HNF4A: variants seen among roughly 807,000 people sequenced by gnomAD.
HNF4A encodes the protein hepatocyte nuclear factor 4-alpha.
Under a neutral mutation model 52.4 loss-of-function variants are expected in HNF4A, and 15 were observed. That is an observed-to-expected ratio of 0.29 (90% CI 0.19 to 0.44). The LOEUF (loss-of-function observed/expected upper bound fraction) is 0.44, where lower values mean the gene tolerates loss of function less well. Ranked by LOEUF, HNF4A falls within the 20% of genes least tolerant of loss-of-function variation. HNF4A has a pLI of 1.00. For missense variants in HNF4A, 479 were observed against 647.2 expected, an observed-to-expected ratio of 0.74 and a Z score of 2.82; for synonymous variants, 280 against 264.4, an observed-to-expected ratio of 1.06 and a Z score of -0.57.
upstream of HNF4A, among the ~76,000 whole-genome samples, chr20:44,397,149 AT>A (rs2063360707): frequency 2.0e-5 from 3 of 152,192 alleles, no homozygotes; most frequent in Admixed American, 1.3e-4. Context: ...GAAGCTTAAT[AT>A]TTTTTATAAG....
intron 1 of HNF4A, among the ~76,000 whole-genome samples, chr20:44,382,694 C>T (rs972615264): frequency 5.3e-5 from 8 of 152,186 alleles, no homozygotes; most frequent in African/African-American, 1.9e-4. Context: ...TACATTCTCT[C>T]TAATGATACA....
intron 1 of HNF4A, chr20:44,401,598 G>T (rs1353323345): frequency 7.2e-7 from 1 of 1,382,400 alleles, no homozygotes; most frequent in Non-Finnish European, 1.0e-6. Context: ...ATACAAAATG[G>T]TAGGTTGGTC....
In HNF4A at chr20:44,428,954, A is replaced by G. The variant is rs370675442; in HGVS notation, c.1282+467A>G. 1.1e-4 allele frequency among the ~76,000 whole-genome samples: 16 copies of G among 152,342 alleles called. No individual in the cohort carries two copies. The East Asian group carries it at 1.3e-3, about 13-fold the overall frequency. On this transcript the variant is annotated intron_variant, in intron 9 of 9. Coordinates refer to ENST00000316099, the MANE Select transcript of HNF4A (RefSeq NM_000457.6). Reference sequence around the variant, plus strand: ...TTCAAAGGATAAGATTATCAATGGGATGAAGTGATCCACTGAGATAAGATG... The same window carrying G: ...TTCAAAGGATAAGATTATCAATGGGGTGAAGTGATCCACTGAGATAAGATG...
intron 1 of HNF4A, among the ~76,000 whole-genome samples, chr20:44,359,535 G>A (rs2062895039): frequency 6.6e-6 from 1 of 152,156 alleles, no homozygotes; most frequent in African/African-American, 2.4e-5. Flanking sequence ...TTCTCTTGGG[G>A]TGTGGCACAC....
At chr20:44,372,956 C>T (rs555010983) in intron 1 of HNF4A, 20 of 152,304 alleles carry the variant, frequency 1.3e-4, no homozygotes, top group African/African-American at 4.6e-4. Flanking sequence ...GAGCTACATC[C>T]ACAGTATGAC....
At chr20:44,423,246 G>A (rs563721357) in intron 7 of HNF4A, among the ~76,000 whole-genome samples, 3 of 152,238 alleles carry the variant, frequency 2.0e-5, no homozygotes, top group Non-Finnish European at 4.4e-5. Context: ...AACCCAGGAG[G>A]CAGAGGTTGC....
intron 1 of HNF4A, among the ~76,000 whole-genome samples, chr20:44,356,804 T>A (rs1353006180): frequency 6.6e-6 from 1 of 152,192 alleles, no homozygotes; most frequent in Non-Finnish European, 1.5e-5. Flanking sequence ...TTGGATTTTT[T>A]AAAAGTTGGG....
At chr20:44,381,613 T>C (rs2063154936) in intron 1 of HNF4A, among the ~76,000 whole-genome samples, 1 of 151,806 alleles carries the variant, frequency 6.6e-6, no homozygotes, top group Non-Finnish European at 1.5e-5. Flanking sequence ...GGAAAGTACT[T>C]TGTTGCCTTT....
At chr20:44,388,450 C>CCCTGGGAA (rs1362611458) in intron 1 of HNF4A, among the ~76,000 whole-genome samples, 2 of 144,546 alleles carry the variant, frequency 1.4e-5, no homozygotes, top group Non-Finnish European at 3.0e-5. Flanking sequence ...GCGGCTGCTA[C>CCCTGGGAA]CCTGGGAACT....
intron 8 of HNF4A, 137 bp downstream of exon 8, chr20:44,424,391 C>T (rs1421271690): frequency 2.1e-6 from 3 of 1,412,938 alleles, no homozygotes; most frequent in African/African-American, 2.8e-5. Context: ...CTGTCTGTGC[C>T]TCAGTTTCCT....
At chr20:44,390,807 G>A (rs2063293711) in intron 1 of HNF4A, 2 of 622,688 alleles carry the variant, frequency 3.2e-6, no homozygotes, top group Non-Finnish European at 5.8e-6. Context: ...CCTAACCCAG[G>A]AACGTCCATG....
intron 1 of HNF4A, among the ~76,000 whole-genome samples, chr20:44,383,461 A>G (rs1278849305): frequency 6.6e-6 from 1 of 152,150 alleles, no homozygotes; most frequent in Non-Finnish European, 1.5e-5. Flanking sequence ...TGGTACACTC[A>G]GCCTCAATAC....
At chr20:44,401,607 T>G in intron 1 of HNF4A, 2 of 1,281,228 alleles carry the variant, frequency 1.6e-6, no homozygotes, top group Non-Finnish European at 1.1e-6. Context: ...GGTAGGTTGG[T>G]CCTACAGGCC....
chr20:44,389,785 T>A (rs1460122896), intron 1 of HNF4A: 1 of 152,336 alleles, frequency 6.6e-6, no homozygotes, highest in Non-Finnish European at 1.5e-5. Context: ...CTTTGGGGGC[T>A]ATGGGGGGAC....
chr20:44,394,643 C>A (rs2063336507), intron 1 of HNF4A, among the ~76,000 whole-genome samples: 2 of 152,306 alleles, frequency 1.3e-5, no homozygotes, highest in South Asian at 4.1e-4. Context: ...AGCAAATTTG[C>A]TCAGGACCCA....
At chr20:44,421,204 A>C (rs113861313) in intron 7 of HNF4A, among the ~76,000 whole-genome samples, 1,695 of 152,242 alleles carry the variant, frequency 0.011, 15 homozygotes, top group Non-Finnish European at 0.019. Flanking sequence ...ACATTGCAGG[A>C]TGAAGAAAAA....
intron 1 of HNF4A, among the ~76,000 whole-genome samples, chr20:44,389,382 G>A (rs2063274370): frequency 6.6e-6 from 1 of 152,244 alleles, no homozygotes; most frequent in Non-Finnish European, 1.5e-5. Context: ...TCATATGAGT[G>A]TCAGATGAAC....
chr20:44,424,349 C>T (rs2063789853), intron 8 of HNF4A, 95 bp downstream of exon 8: 1 of 1,561,782 alleles, frequency 6.4e-7, no homozygotes. Context: ...CCTTGGCTTC[C>T]CCACTGTGCC....
chr20:44,396,759 C>T (rs768602158), upstream of HNF4A, among the ~76,000 whole-genome samples: 5 of 152,128 alleles, frequency 3.3e-5, no homozygotes, highest in Non-Finnish European at 5.9e-5. Flanking sequence ...ATGCTTGAAC[C>T]ATCCCTACAA....
Sources: gnomAD v4.1 joint callset for allele counts (sites outside exome capture counted in the v4.1 genomes callset) on GRCh38, gnomAD v4.1.1 for gene constraint, MANE v1.5 for transcripts, NCBI Gene and HGNC (gene_info 2026-07-23, HGNC 2026-07-21) for gene names.